GAPVD1: variants seen among roughly 807,000 people sequenced by gnomAD.
GAPVD1 encodes GTPase-activating protein and VPS9 domain-containing protein 1.
In GAPVD1, 35 loss-of-function variants were observed where a neutral mutation model predicts 155.5. The ratio of observed to expected loss-of-function variants is 0.23; its 90% confidence interval spans 0.17 to 0.30. The LOEUF (loss-of-function observed/expected upper bound fraction) is 0.30, where lower values mean the gene tolerates loss of function less well. GAPVD1 is among the 10% of genes least tolerant of loss of function. The pLI is 1.00. For synonymous variants in GAPVD1, 636 were observed against 619.7 expected (o/e 1.03, Z -0.39); for missense variants, 1,429 against 1,775.7 (o/e 0.80, Z 3.51).
At chr9:125,275,776 A>G (rs752465762) in intron 2 of GAPVD1, among the ~76,000 whole-genome samples, 82 of 152,252 alleles carry the variant, frequency 5.4e-4, no homozygotes, top group Non-Finnish European at 1.0e-3. Flanking sequence ...ATAAAAAGAC[A>G]ATCTTGTTTA....
At chr9:125,327,014 A>T (rs974049345) in intron 12 of GAPVD1, among the ~76,000 whole-genome samples, 1 of 152,136 alleles carries the variant, frequency 6.6e-6, no homozygotes, top group Non-Finnish European at 1.5e-5. Context: ...CAACAATATG[A>T]TACTGCTGTT....
Position 125,360,740 on chromosome 9 carries a change from A to G in GAPVD1, c.4242+15A>G. The G allele has an allele frequency of 1.3e-6, 2 of 1,596,684 alleles. No homozygotes were observed. The highest frequency in any genetic ancestry group is 1.7e-6 in the Non-Finnish European group (2 of 1,164,884). The stretch of plus-strand genomic sequence containing the variant: ...TGTTGATAAAGGTGGGCCCCTTACT[A>G]CTATCAGTTAAGGAGTTATGTGGCA... On this transcript the variant is annotated intron_variant, in intron 27 of 27. Transcript: ENST00000297933.
intron 14 of GAPVD1, 23 bp from the exon 15 acceptor site, chr9:125,332,486 AT>A: frequency 6.5e-7 from 1 of 1,542,216 alleles, no homozygotes; most frequent in Non-Finnish European, 8.8e-7. Flanking sequence ...CTTCCTGTTT[AT>A]TTTTTACTAT....
At chr9:125,314,033 G>A (rs1417012187) in intron 9 of GAPVD1, among the ~76,000 whole-genome samples, 1 of 152,186 alleles carries the variant, frequency 6.6e-6, no homozygotes, top group East Asian at 1.9e-4. Flanking sequence ...TTGGTGAATA[G>A]GTCCAAGCAT....
In GAPVD1 at chr9:125,302,062, T is replaced by C. The variant is rs1401378608; in HGVS notation, c.265T>C (p.Leu89=). 1.9e-6 allele frequency: 3 copies of C among 1,613,246 alleles called. No homozygotes were observed. Among genetic ancestry groups the C allele is most frequent in the East Asian group, 2.2e-5 (1 of 44,842 alleles). The change falls in exon 5 of 28, where the codon TTG becomes CTG. Residue 89 remains leucine, a synonymous_variant. Transcript: ENST00000297933. ...DTQFVDGYKQ[L]GFQETAYGEF... is the part of the protein sequence containing the mutation. Reference sequence around the variant, plus strand: ...ACAATTTGTTGATGGGTATAAGCAATTGGGATTTCAGGAGACTGCTTATGG... The same window carrying C: ...ACAATTTGTTGATGGGTATAAGCAACTGGGATTTCAGGAGACTGCTTATGG...
In GAPVD1 at chr9:125,359,420, G is replaced by C; in HGVS notation, c.3972G>C (p.Gln1324His). The change falls in exon 26 of 28, where the codon CAG (glutamine) becomes CAC (histidine). Residue 1324 changes from glutamine to histidine, a missense_variant and splice_region_variant. Gln to His is a conservative substitution (Grantham distance 24). This residue lies in a region of GAPVD1 where 102 missense variants were observed against 196.5 expected (regional missense o/e 0.52). Coordinates refer to ENST00000297933, the MANE Select transcript of GAPVD1 (RefSeq NM_001282680.3). ...PNQDGDILRD[Q>H]VLHEHIQRLS... is the part of the protein sequence containing the mutation. ...CATGTGTATTTTGGGGGGTTTTCAG[G>C]GTTCTTCATGAACATATCCAGAGAT... is the stretch of plus-strand genomic sequence containing the variant. 1 of 1,565,434 alleles carries C rather than the reference G, an allele frequency of 6.4e-7. No individual in the cohort carries two copies. Among genetic ancestry groups the C allele is most frequent in the Non-Finnish European group, 8.8e-7 (1 of 1,137,060 alleles).
intron 3 of GAPVD1, among the ~76,000 whole-genome samples, chr9:125,296,632 G>A (rs1839924071): frequency 6.7e-6 from 1 of 148,296 alleles, no homozygotes; most frequent in Admixed American, 6.7e-5. Context: ...GGGATTACAG[G>A]TGTGAGCCAC....
At chr9:125,312,676 A>C in intron 9 of GAPVD1, 64 bp downstream of exon 9, 1 of 1,222,100 alleles carries the variant, frequency 8.2e-7, no homozygotes, top group South Asian at 1.6e-5. Context: ...TGCTGTAACA[A>C]AACACCAGAG....
At chr9:125,344,979 T>C (rs1848307962) in intron 19 of GAPVD1, among the ~76,000 whole-genome samples, 1 of 152,126 alleles carries the variant, frequency 6.6e-6, no homozygotes, top group African/African-American at 2.4e-5. Flanking sequence ...GGGAATCCTG[T>C]CTATATACAA....
chr9:125,342,775 C>T (rs903815719), intron 19 of GAPVD1, among the ~76,000 whole-genome samples: 1 of 152,188 alleles, frequency 6.6e-6, no homozygotes, highest in Admixed American at 6.5e-5. Flanking sequence ...CTAATCGTTT[C>T]CTTTTTTGTG....
Position 125,326,122 on chromosome 9 carries a change from A to G in GAPVD1, c.1859-294A>G, listed in dbSNP as rs184531610. On this transcript the variant is annotated intron_variant, in intron 11 of 27. Transcript: ENST00000297933. Reference sequence around the variant, plus strand: ...TTGCATAAGTGGAGGAGGAACTTTCATATGAGCTTATGAAAGAAGTTGAAC... The same window carrying G: ...TTGCATAAGTGGAGGAGGAACTTTCGTATGAGCTTATGAAAGAAGTTGAAC... 7.9e-5 allele frequency among the ~76,000 whole-genome samples: 12 copies of G among 152,384 alleles called. No homozygotes were observed. In the East Asian group the frequency reaches 2.1e-3, roughly 27 times the overall value.
intron 8 of GAPVD1, among the ~76,000 whole-genome samples, chr9:125,311,395 G>T (rs995298352): frequency 6.6e-6 from 1 of 152,136 alleles, no homozygotes; most frequent in African/African-American, 2.4e-5. Flanking sequence ...GCCAAGGTGC[G>T]TGGATCACCT....
chr9:125,350,565 A>G (rs1285408803), intron 22 of GAPVD1, 148 bp from the exon 23 acceptor site: 1 of 679,722 alleles, frequency 1.5e-6, no homozygotes, highest in Non-Finnish European at 2.5e-6. Context: ...CTGATGATTT[A>G]TTAAAGTATT....
intron 4 of GAPVD1, among the ~76,000 whole-genome samples, chr9:125,300,023 G>T (rs12236846): frequency 0.14 from 92 of 664 alleles, 3 homozygotes; most frequent in African/African-American, 0.19. Flanking sequence ...TGTCTCAAAA[G>T]AAAAAAAAAA....
At chr9:125,320,142 T>C (rs1844090344) in intron 9 of GAPVD1, among the ~76,000 whole-genome samples, 2 of 152,192 alleles carry the variant, frequency 1.3e-5, no homozygotes, top group South Asian at 4.1e-4. Context: ...TGTGGTAAGT[T>C]TTTTTCTTTG....
intron 15 of GAPVD1, 79 bp downstream of exon 15, chr9:125,332,708 A>C: frequency 8.5e-7 from 1 of 1,181,112 alleles, no homozygotes; most frequent in Non-Finnish European, 1.2e-6. Flanking sequence ...ATTGCTGGTG[A>C]CAGCATCTGT....
chr9:125,338,604 A>G (rs1357667899), intron 17 of GAPVD1, among the ~76,000 whole-genome samples: 1 of 152,100 alleles, frequency 6.6e-6, no homozygotes, highest in East Asian at 1.9e-4. Flanking sequence ...TCCTCAGGTT[A>G]GGTTGTTTGA....
At chr9:125,323,374 C>T (rs1272500993) in intron 10 of GAPVD1, among the ~76,000 whole-genome samples, 7 of 152,088 alleles carry the variant, frequency 4.6e-5, no homozygotes, top group African/African-American at 7.2e-5. Flanking sequence ...GGCGCGATCT[C>T]GGCCCACTGC....
chr9:125,284,180 CTTTT>C (rs34335675), intron 2 of GAPVD1, among the ~76,000 whole-genome samples: 1 of 92,618 alleles, frequency 1.1e-5, no homozygotes. Context: ...CCCGCCAGAA[CTTTT>C]TTTTTTTTTT....
Sources: gnomAD v4.1 joint callset for allele counts (sites outside exome capture counted in the v4.1 genomes callset) on GRCh38, gnomAD v4.1.1 for gene constraint, gnomAD v4.1.1 regional missense constraint, MANE v1.5 for transcripts, NCBI Gene and HGNC (gene_info 2026-07-23, HGNC 2026-07-21) for gene names.